Variants in LYPLAL1 observed in about 807,000 individuals in gnomAD.
The protein encoded by LYPLAL1 is lysophospholipase like 1, also known as lysophospholipase-like protein 1.
LYPLAL1 carries 23 observed loss-of-function variants against 19.7 expected under a neutral mutation model. The observed-to-expected ratio is 1.17, with a 90% confidence interval of 0.84 to 1.65. The LOEUF (loss-of-function observed/expected upper bound fraction) is 1.65. Ranked by LOEUF, LYPLAL1 falls within the 40% of genes most tolerant of loss-of-function variation. The pLI, the probability that LYPLAL1 is intolerant of heterozygous loss-of-function variation, is 0.00. For missense variants in LYPLAL1, 355 were observed against 279.4 expected, an observed-to-expected ratio of 1.27 and a Z score of -1.93; for synonymous variants, 119 against 96.3, an observed-to-expected ratio of 1.24 and a Z score of -1.38.
chr1:219,429,115 G>T, the LYPLAL1 span, among the ~76,000 whole-genome samples: 1 of 152,058 alleles, frequency 6.6e-6, no homozygotes, highest in African/African-American at 2.4e-5. Flanking sequence ...TTTTCATTTT[G>T]TGTCACCAAA....
At chr1:219,206,436 A>C (rs1273739520) in intron 3 of LYPLAL1, among the ~76,000 whole-genome samples, 1 of 152,054 alleles carries the variant, frequency 6.6e-6, no homozygotes, top group Non-Finnish European at 1.5e-5. Flanking sequence ...TCTTTGTGTT[A>C]AATTTTCTTC....
At chr1:219,331,097 C>G in the LYPLAL1 span, among the ~76,000 whole-genome samples, 2 of 152,074 alleles carry the variant, frequency 1.3e-5, no homozygotes, top group African/African-American at 4.8e-5. Context: ...TGTGCTCTTG[C>G]CAGTATACCG....
the LYPLAL1 span, among the ~76,000 whole-genome samples, chr1:219,396,426 T>C: frequency 6.6e-6 from 1 of 152,240 alleles, no homozygotes; most frequent in East Asian, 1.9e-4. Flanking sequence ...GGTTCTCTTT[T>C]GGTTCCATAT....
chr1:219,425,179 C>A, the LYPLAL1 span, among the ~76,000 whole-genome samples: 2 of 152,132 alleles, frequency 1.3e-5, no homozygotes, highest in Non-Finnish European at 2.9e-5. Flanking sequence ...GGGCAAGGGG[C>A]TCCTTTCAGG....
At chr1:219,442,978 C>A in the LYPLAL1 span, among the ~76,000 whole-genome samples, 42 of 151,892 alleles carry the variant, frequency 2.8e-4, no homozygotes, top group Non-Finnish European at 5.6e-4. Flanking sequence ...AAACACTGAC[C>A]AGCTGTAAAA....
At chr1:219,311,378 A>T in the LYPLAL1 span, among the ~76,000 whole-genome samples, 1 of 152,204 alleles carries the variant, frequency 6.6e-6, no homozygotes, top group Admixed American at 6.5e-5. Flanking sequence ...CTTTTCTGGA[A>T]TGACATTTGT....
intron 3 of LYPLAL1, among the ~76,000 whole-genome samples, chr1:219,205,528 A>G (rs906588891): frequency 2.0e-5 from 3 of 152,230 alleles, no homozygotes; most frequent in South Asian, 4.1e-4. Context: ...TAAAAATGAA[A>G]TTTAAGAGAA....
At chr1:219,206,651 T>A (rs1379986835) in intron 3 of LYPLAL1, among the ~76,000 whole-genome samples, 1 of 152,002 alleles carries the variant, frequency 6.6e-6, no homozygotes, top group Non-Finnish European at 1.5e-5. Context: ...AACATGAAGT[T>A]AAATGTCTGC....
intron 4 of LYPLAL1, 115 bp downstream of exon 4, chr1:219,210,762 A>G: frequency 1.1e-6 from 1 of 927,856 alleles, no homozygotes; most frequent in Non-Finnish European, 1.5e-6. Context: ...CACAGTTGAT[A>G]TGGATTGACC....
At chr1:219,319,272 G>A in the LYPLAL1 span, among the ~76,000 whole-genome samples, 2 of 152,086 alleles carry the variant, frequency 1.3e-5, no homozygotes, top group African/African-American at 4.8e-5. Context: ...AAACTCAGAG[G>A]AAAGACCTCC....
the LYPLAL1 span, among the ~76,000 whole-genome samples, chr1:219,421,161 C>A: frequency 3.3e-5 from 5 of 152,156 alleles, no homozygotes; most frequent in Admixed American, 2.0e-4. Flanking sequence ...CTGAGTGTAA[C>A]CTTTTAATAA....
At chr1:219,362,601 G>T in the LYPLAL1 span, among the ~76,000 whole-genome samples, 2 of 152,080 alleles carry the variant, frequency 1.3e-5, no homozygotes, top group African/African-American at 4.8e-5. Flanking sequence ...CCCAGAATGG[G>T]GTACGGAAGT....
In LYPLAL1 at chr1:219,179,227, TA is replaced by T. The variant is rs1236459307; in HGVS notation, c.173del (p.Tyr58PhefsTer12). On this transcript the variant is annotated frameshift_variant, in exon 2 of 5. Transcript: ENST00000366928. LOFTEE classifies it high-confidence loss of function. ...AACATTCCAACACATAAAAATTATTTATCCAACAGCTCCTCCCAGGTATGCA... is the reference window on the plus strand; with the variant it reads ...AACATTCCAACACATAAAAATTATTTTCCAACAGCTCCTCCCAGGTATGCA... ...DLTFQHIKII[Y>X]PTAPPRSYTP... The T allele has an allele frequency of 1.1e-5, 17 of 1,610,620 alleles. No individual in the cohort carries two copies. Among genetic ancestry groups the T allele is most frequent in the Non-Finnish European group, 1.4e-5 (17 of 1,177,626 alleles).
chr1:219,205,087 C>T (rs962062063), intron 3 of LYPLAL1, among the ~76,000 whole-genome samples: 3 of 152,070 alleles, frequency 2.0e-5, no homozygotes, highest in Non-Finnish European at 4.4e-5. Flanking sequence ...CCATTAAGTA[C>T]TACATGCACA....
the LYPLAL1 span, among the ~76,000 whole-genome samples, chr1:219,295,238 A>G: frequency 1.3e-5 from 2 of 152,154 alleles, no homozygotes; most frequent in Non-Finnish European, 2.9e-5. Flanking sequence ...TTAAAAATCT[A>G]ATTATGACTC....
intron 3 of LYPLAL1, among the ~76,000 whole-genome samples, chr1:219,196,468 T>A (rs1657609540): frequency 6.6e-6 from 1 of 152,156 alleles, no homozygotes; most frequent in African/African-American, 2.4e-5. Context: ...TTTTCATGTT[T>A]TTTGGCTGCA....
At chr1:219,425,787 A>G in the LYPLAL1 span, among the ~76,000 whole-genome samples, 2 of 152,224 alleles carry the variant, frequency 1.3e-5, no homozygotes, top group African/African-American at 4.8e-5. Context: ...ATACCATACA[A>G]AGATACCATA....
chr1:219,334,920 G>A, the LYPLAL1 span, among the ~76,000 whole-genome samples: 1 of 151,862 alleles, frequency 6.6e-6, no homozygotes, highest in Non-Finnish European at 1.5e-5. Flanking sequence ...AGGAGAATTT[G>A]TATATTTTAT....
chr1:219,210,632 A>T lies in LYPLAL1; in HGVS notation c.462A>T (p.Ala154=). ...CTCTTTCTAGTTTTCTGAATAAAGC[A>T]TCTGCTGTTTACCAGGTAAGTTCCA... ...VFALSSFLNK[A]SAVYQALQKS... is the part of the protein sequence containing the mutation. The change falls in exon 4 of 5, where the codon GCA becomes GCT. Residue 154 remains alanine (A), a synonymous_variant. Transcript: ENST00000366928. 6.2e-7 allele frequency: 1 copy of T among 1,608,176 alleles called. No homozygotes were observed. Among genetic ancestry groups the T allele is most frequent in the Non-Finnish European group, 8.5e-7 (1 of 1,177,056 alleles).
Sources: allele counts gnomAD v4.1 joint callset (sites outside exome capture counted in the v4.1 genomes callset), GRCh38; gene constraint gnomAD v4.1.1; transcripts MANE v1.5; gene names NCBI Gene and HGNC (gene_info 2026-07-23, HGNC 2026-07-21).